Variants in EXT2 observed in about 807,000 individuals in gnomAD.
The protein encoded by EXT2 is exostosin-2.
In EXT2, 53 loss-of-function variants were observed where a neutral mutation model predicts 81.6. That is an observed-to-expected ratio of 0.65 (90% CI 0.52 to 0.82). The LOEUF is 0.82. Ranked by LOEUF, EXT2 falls within the 40% of genes least tolerant of loss-of-function variation. EXT2 has a pLI of 0.00. For missense variants in EXT2, 774 were observed against 910.2 expected (o/e 0.85, Z 1.93); for synonymous variants, 320 against 340.0 (o/e 0.94, Z 0.65).
chr11:44,144,741 T>G (rs772097503), intron 7 of EXT2, among the ~76,000 whole-genome samples: 2 of 152,222 alleles, frequency 1.3e-5, no homozygotes, highest in Admixed American at 6.5e-5. Context: ...TGACCCCTTC[T>G]TGTTTCCTGG....
rs1275331409 is a variant in EXT2 at position 44,245,746 on chromosome 11, A to G, written c.*1459A>G. Among the ~76,000 whole-genome samples, 2 of 152,236 alleles carry G rather than the reference A, an allele frequency of 1.3e-5. No individual in the cohort carries two copies. The highest frequency in any genetic ancestry group is 2.9e-5 in the Non-Finnish European group (2 of 68,052). On this transcript the variant is annotated 3_prime_UTR_variant, in exon 14 of 14. Coordinates refer to ENST00000533608, the MANE Select transcript of EXT2 (RefSeq NM_207122.2). ...AAGAGTCACTTCAGATGTGTTCCCC[A>G]GACTTTGAGAGGTCAAAGAAAGTTT...
chr11:44,190,759 G>A (rs558526051), intron 8 of EXT2, among the ~76,000 whole-genome samples: 1 of 152,304 alleles, frequency 6.6e-6, no homozygotes, highest in South Asian at 2.1e-4. Flanking sequence ...GCATCAGCAA[G>A]AACGCTTCAG....
intron 7 of EXT2, among the ~76,000 whole-genome samples, chr11:44,145,103 A>G (rs1954699013): frequency 6.6e-6 from 1 of 152,068 alleles, no homozygotes; most frequent in East Asian, 1.9e-4. Context: ...TAGAAATAGC[A>G]TGGATTGTCC....
chr11:44,148,325 TTGGGTCAGAGGTTA>T (rs1954748790), intron 7 of EXT2, among the ~76,000 whole-genome samples: 3 of 152,164 alleles, frequency 2.0e-5, no homozygotes, highest in African/African-American at 7.2e-5. Context: ...TGCCACTGTG[TTGGGTCAGAGGTTA>T]AATTTCTCTC....
intron 7 of EXT2, among the ~76,000 whole-genome samples, chr11:44,156,439 CCT>C (rs998969868): frequency 6.6e-6 from 1 of 151,926 alleles, no homozygotes; most frequent in African/African-American, 2.4e-5. Flanking sequence ...TCTTTTGTCT[CCT>C]CTCTCTATGT....
At chr11:44,127,889 C>T (rs1462565623) in intron 6 of EXT2, among the ~76,000 whole-genome samples, 2 of 152,090 alleles carry the variant, frequency 1.3e-5, no homozygotes, top group Non-Finnish European at 2.9e-5. Flanking sequence ...ACAGATGGAC[C>T]CAGTTCCATT....
In EXT2 at chr11:44,239,092, A is replaced by C. The variant is rs78621261; in HGVS notation, c.2018+2717A>C. 4.5e-3 allele frequency among the ~76,000 whole-genome samples: 692 copies of C among 152,332 alleles called. 8 individuals are homozygous for C. Among genetic ancestry groups the C allele is most frequent in the African/African-American group, 0.016 (674 of 41,574 alleles). On this transcript the variant is annotated intron_variant, in intron 13 of 13. Coordinates refer to ENST00000533608, the MANE Select transcript of EXT2 (RefSeq NM_207122.2). ...AAGCTGCATGTGGAAAGGAAGGAAC[A>C]AATTAAATTACAAGAGATTTTTTTT...
chr11:44,143,657 TG>T (rs1954676126), intron 7 of EXT2, among the ~76,000 whole-genome samples: 1 of 152,142 alleles, frequency 6.6e-6, no homozygotes, highest in South Asian at 2.1e-4. Context: ...AATCAGAAGA[TG>T]GGGCTTTCTA....
At chr11:44,208,662 A>G (rs916775296) in intron 10 of EXT2, among the ~76,000 whole-genome samples, 9 of 152,186 alleles carry the variant, frequency 5.9e-5, no homozygotes, top group African/African-American at 1.7e-4. Context: ...ACAACTTACT[A>G]TGTTTCTGTC....
At chr11:44,206,243 G>A (rs1955581177) in intron 9 of EXT2, among the ~76,000 whole-genome samples, 1 of 152,212 alleles carries the variant, frequency 6.6e-6, no homozygotes, top group African/African-American at 2.4e-5. Flanking sequence ...CATGATGGAG[G>A]TGGGCACGTC....
chr11:44,156,245 T>G (rs1158582351), intron 7 of EXT2, among the ~76,000 whole-genome samples: 1 of 152,192 alleles, frequency 6.6e-6, no homozygotes, highest in African/African-American at 2.4e-5. Context: ...TATAACCTTC[T>G]AATACTTGAA....
At chr11:44,179,800 C>T (rs1265696569) in intron 8 of EXT2, among the ~76,000 whole-genome samples, 1 of 152,122 alleles carries the variant, frequency 6.6e-6, no homozygotes, top group African/African-American at 2.4e-5. Context: ...ATTACAGCTG[C>T]AGATTAGGAA....
At chr11:44,116,845 T>C (rs1954227666) in intron 4 of EXT2, 1 of 152,254 alleles carries the variant, frequency 6.6e-6, no homozygotes, top group Admixed American at 6.5e-5. Flanking sequence ...TTGCCCATTT[T>C]AAAATTGAAT....
chr11:44,108,380 G>A, intron 2 of EXT2, 132 bp downstream of exon 2: 1 of 977,354 alleles, frequency 1.0e-6, no homozygotes, highest in Non-Finnish European at 1.6e-6. Flanking sequence ...GCAGGACGGG[G>A]TGTGTTGGAG....
intron 7 of EXT2, among the ~76,000 whole-genome samples, chr11:44,145,022 C>T (rs974391177): frequency 6.6e-6 from 1 of 152,040 alleles, no homozygotes; most frequent in Non-Finnish European, 1.5e-5. Flanking sequence ...TGAGAGAGCC[C>T]GGCTGTAGTT....
intron 8 of EXT2, among the ~76,000 whole-genome samples, chr11:44,175,008 G>A (rs1174136849): frequency 2.0e-5 from 3 of 152,188 alleles, no homozygotes; most frequent in East Asian, 1.9e-4. Context: ...GCATTGGAGT[G>A]TTATCTGTGA....
At position 44,132,508 on chromosome 11, in the gene EXT2, C is replaced by T. The variant is rs145740850; in HGVS notation, c.1173+2370C>T. ...TAAGTCCCCAAGCTCCCTAGGCTTC[C>T]ATTTCCTCATTTATGAAATGAAGGG... On this transcript the variant is annotated intron_variant, in intron 7 of 13. Coordinates refer to ENST00000533608, the MANE Select transcript of EXT2 (RefSeq NM_207122.2). 5.1e-3 allele frequency among the ~76,000 whole-genome samples: 771 copies of T among 152,314 alleles called. 7 individuals are homozygous for T. Among genetic ancestry groups the T allele is most frequent in the African/African-American group, 0.017 (727 of 41,566 alleles).
chr11:44,231,549 G>A (rs895305808), intron 10 of EXT2, among the ~76,000 whole-genome samples: 27 of 152,176 alleles, frequency 1.8e-4, no homozygotes, highest in African/African-American at 6.5e-4. Flanking sequence ...TAAAGAAAGA[G>A]TTTGAAGAAG....
intron 7 of EXT2, among the ~76,000 whole-genome samples, chr11:44,150,302 CTT>C (rs5791609): frequency 6.6e-6 from 1 of 151,948 alleles, no homozygotes; most frequent in African/African-American, 2.4e-5. Flanking sequence ...AATATTAAAA[CTT>C]TTTTTTTCCT....
Sources: allele counts gnomAD v4.1 joint callset (sites outside exome capture counted in the v4.1 genomes callset), GRCh38; gene constraint gnomAD v4.1.1; transcripts MANE v1.5; gene names NCBI Gene and HGNC (gene_info 2026-07-23, HGNC 2026-07-21).